The following GAREM2 variants were observed in gnomAD, a reference collection of about 807,000 sequenced individuals.
GAREM2 encodes GRB2 associated regulator of MAPK1 subtype 2, also known as GRB2-associated and regulator of MAPK protein 2.
A neutral mutation model predicts 55.6 loss-of-function variants in GAREM2; 30 were observed. The observed-to-expected ratio is 0.54, with a 90% CI of 0.40 to 0.73. The LOEUF (loss-of-function observed/expected upper bound fraction) is 0.73. Among genes scored for constraint, GAREM2 ranks in the 30% least tolerant of loss-of-function variants. The probability of loss-of-function intolerance (pLI) is 0.00; values close to 1 mark genes in which losing one functional copy is unlikely to be tolerated. For missense variants in GAREM2, 1,075 were observed against 1,257.7 expected (o/e 0.85, Z 2.20); for synonymous variants, 550 against 569.1 (o/e 0.97, Z 0.48).
At position 26,179,620 on chromosome 2, in the gene GAREM2, G is replaced by A. The variant is rs1379057914; in HGVS notation, c.253+3136G>A. Among the ~76,000 whole-genome samples the A allele has an allele frequency of 6.6e-6, 1 of 151,978 alleles. No homozygotes were observed. Among genetic ancestry groups the A allele is most frequent in the Non-Finnish European group, 1.5e-5 (1 of 67,988 alleles). ...CAGGATGGAGCAGGTCCTTAGAGCC[G>A]TGGGGGACCTCAGGTTCCATACAGG... On this transcript the variant is annotated intron_variant, in intron 2 of 5. Coordinates refer to ENST00000401533, the MANE Select transcript of GAREM2 (RefSeq NM_001168241.2). The surrounding 1 kb of genome is among the most constrained non-coding windows in gnomAD (Gnocchi z 4.7).
downstream of GAREM2, among the ~76,000 whole-genome samples, chr2:26,192,065 C>T (rs1246156760): frequency 4.6e-5 from 7 of 152,224 alleles, no homozygotes; most frequent in Admixed American, 3.3e-4. Context: ...CCAAGGAGCA[C>T]GTGCGAGGGC....
intron 1 of GAREM2, among the ~76,000 whole-genome samples, chr2:26,173,734 C>T (rs952866776): frequency 3.5e-4 from 53 of 152,208 alleles, no homozygotes; most frequent in Non-Finnish European, 6.2e-4. Flanking sequence ...CCCTGGGACC[C>T]GGACTCTGTC....
Position 26,185,030 on chromosome 2 carries a change from C to A in GAREM2, c.1182C>A (p.Pro394=), listed in dbSNP as rs1247123417. 7.0e-6 allele frequency: 8 copies of A among 1,149,886 alleles called. No individual in the cohort carries two copies. Among genetic ancestry groups the A allele is most frequent in the Non-Finnish European group, 8.6e-6 (8 of 935,578 alleles). 71.2% of individuals were successfully genotyped at this position (1,149,886 alleles called of 1,614,324 possible). Reference sequence around the variant, plus strand: ...GCGCCCCCGGGCTCGCCCGCGCCCCCGGCCCGCTAGCGCCGGCTCCCGCCG... The same window carrying A: ...GCGCCCCCGGGCTCGCCCGCGCCCCAGGCCCGCTAGCGCCGGCTCCCGCCG... The part of the protein sequence containing the change: ...APRAPGLARA[P]GPLAPAPAGE... Residue 394 remains proline, a synonymous_variant, in exon 4 of 6, where the codon CCC becomes CCA. Coordinates refer to ENST00000401533, the MANE Select transcript of GAREM2 (RefSeq NM_001168241.2).
rs1669329233 is a variant in GAREM2, at chr2:26,187,692, C to T, written c.2060C>T (p.Ser687Phe). ...AAPPSSCAPS[S>F]SSSSEWQEPV... Reference sequence around the variant, plus strand: ...CCCCCCTCCTCCTGCGCCCCCTCCTCCTCCTCTTCTTCTGAATGGCAGGAA... The same window carrying T: ...CCCCCCTCCTCCTGCGCCCCCTCCTTCTCCTCTTCTTCTGAATGGCAGGAA... Residue 687 changes from serine (S) to phenylalanine (F), a missense_variant, in exon 6 of 6, where the codon TCC becomes TTC. Ser to Phe is a radical substitution (Grantham distance 155, BLOSUM62 -2). Transcript: ENST00000401533. 6.7e-7 allele frequency: 1 copy of T among 1,496,670 alleles called. No homozygotes were observed. The allele number at this position is 1,496,670 out of a possible 1,614,324, so 92.7% of individuals were successfully genotyped here.
chr2:26,173,111 A>T lies in GAREM2; in HGVS notation c.-110A>T, dbSNP rs865877953. 954 of 171,092 alleles carry T rather than the reference A, an allele frequency of 5.6e-3. 13 individuals carry two copies. The highest frequency in any genetic ancestry group is 0.023 in the African/African-American group (906 of 39,020). The allele number at this position is 171,092 out of a possible 1,614,324, so 10.6% of individuals were successfully genotyped here. On this transcript the variant is annotated 5_prime_UTR_variant, in exon 1 of 6. Coordinates refer to ENST00000401533, the MANE Select transcript of GAREM2 (RefSeq NM_001168241.2). ...ACGCCCGCGGCCCGGCGGGGCTGCC[A>T]GGCGGCGAGCGCCGCGGCGGCCCCG...
Position 26,184,236 on chromosome 2 carries a change from G to T in GAREM2, c.388G>T (p.Val130Leu). ...MEAITFSVKV[V>L]SGEFSEDSEV... ...GCCCTGTCTCTGGGATCCCCAGGTG[G>T]TGTCGGGCGAGTTCAGCGAGGACAG... Residue 130 changes from valine to leucine, a missense_variant, in exon 4 of 6, where the codon GTG (valine) becomes TTG (leucine). By Grantham distance (32) the Val-to-Leu change is conservative. Transcript: ENST00000401533. The T allele has an allele frequency of 6.5e-7, 1 of 1,549,922 alleles. No individual in the cohort carries two copies. The highest frequency in any genetic ancestry group is 2.4e-5 in the East Asian group (1 of 40,854).
chr2:26,184,769 C>G lies in GAREM2; in HGVS notation c.921C>G (p.Arg307=). Residue 307 remains arginine (R), a synonymous_variant, in exon 4 of 6, where the codon CGC becomes CGG. Coordinates refer to ENST00000401533, the MANE Select transcript of GAREM2 (RefSeq NM_001168241.2). The part of the protein sequence containing the change: ...KTVVLGLALR[R]EGPAPLHFLL... Reference sequence around the variant, plus strand: ...TGGTGCTGGGGCTGGCGCTGCGCCGCGAGGGCCCGGCGCCGCTGCACTTCC... The same window carrying G: ...TGGTGCTGGGGCTGGCGCTGCGCCGGGAGGGCCCGGCGCCGCTGCACTTCC... 4 of 1,495,424 alleles carry G rather than the reference C, an allele frequency of 2.7e-6. No homozygotes were observed. Among genetic ancestry groups the G allele is most frequent in the Non-Finnish European group, 3.5e-6 (4 of 1,128,294 alleles). The allele number at this position is 1,495,424 out of a possible 1,614,324, so 92.6% of individuals were successfully genotyped here.
intron 2 of GAREM2, among the ~76,000 whole-genome samples, chr2:26,177,973 C>T (rs1015562186): frequency 1.1e-4 from 16 of 152,196 alleles, no homozygotes; most frequent in African/African-American, 3.9e-4. Flanking sequence ...CTGACAACCC[C>T]CTCACCAAGG....
Position 26,184,966 on chromosome 2 carries a change from C to A in GAREM2, c.1118C>A (p.Ala373Asp). ...CCAGCGGAGCTCGCCGAAGACTGCGCCAGCCCGCGCCGCGCGCGCCTCTGC... is the reference window on the plus strand; with the variant it reads ...CCAGCGGAGCTCGCCGAAGACTGCGACAGCCCGCGCCGCGCGCGCCTCTGC... ...EAPAELAEDC[A>D]SPRRARLCLP... Residue 373 changes from alanine (A) to aspartate (D), a missense_variant, in exon 4 of 6, where the codon GCC (alanine) becomes GAC (aspartate). By Grantham distance (126) the Ala-to-Asp change is moderately radical. Around this residue, in one of 6 missense-constraint regions of GAREM2, gnomAD observed 515 missense variants for 501.5 expected, o/e 1.03. Transcript: ENST00000401533. 1 of 1,207,740 alleles carries A rather than the reference C, an allele frequency of 8.3e-7. No homozygotes were observed. The highest frequency in any genetic ancestry group is 1.0e-6 in the Non-Finnish European group (1 of 973,360). The allele number at this position is 1,207,740 out of a possible 1,614,324, so 74.8% of individuals were successfully genotyped here. A position where few individuals can be genotyped will look rare whatever the true frequency, so the allele number is the denominator to read the frequency against.
downstream of GAREM2, chr2:26,191,459 T>G (rs368736585): frequency 1.9e-6 from 3 of 1,614,130 alleles, no homozygotes; most frequent in South Asian, 3.3e-5. Context: ...AAAGTGAGCT[T>G]CCTTCCCAAC....
chr2:26,174,466 G>C (rs548574142), intron 1 of GAREM2, among the ~76,000 whole-genome samples: 5 of 152,214 alleles, frequency 3.3e-5, no homozygotes, highest in African/African-American at 1.2e-4. Context: ...CTCGGTCTGC[G>C]TAGGGCCTCC....
In GAREM2 at chr2:26,187,840, A is replaced by G. The variant is rs1160864716; in HGVS notation, c.2208A>G (p.Pro736=). The G allele has an allele frequency of 1.5e-5, 21 of 1,438,288 alleles. No homozygotes were observed. The South Asian group carries it at 2.9e-4, about 20-fold the overall frequency. The allele number at this position is 1,438,288 out of a possible 1,614,324, so 89.1% of individuals were successfully genotyped here. A position where few individuals can be genotyped will look rare whatever the true frequency, so the allele number is the denominator to read the frequency against. Residue 736 remains proline, a synonymous_variant, in exon 6 of 6, where the codon CCA becomes CCG. Coordinates refer to ENST00000401533, the MANE Select transcript of GAREM2 (RefSeq NM_001168241.2). ...CTGGGCCTGGACCCCGCCTTTCACC[A>G]CTTGGCCCCTCCAAGGCCTTTGAGC... is the stretch of plus-strand genomic sequence containing the variant. The part of the protein sequence containing the change: ...GTPGPGPRLS[P]LGPSKAFEPE...
chr2:26,203,339 T>C, the GAREM2 span, among the ~76,000 whole-genome samples: 4 of 152,278 alleles, frequency 2.6e-5, no homozygotes, highest in Admixed American at 6.5e-5. Context: ...AGCTTGTCCA[T>C]TAAATGTGAG....
Position 26,187,383 on chromosome 2 carries a change from C to T in GAREM2, c.1751C>T (p.Ser584Phe), listed in dbSNP as rs1031576757. The change falls in exon 6 of 6, where the codon TCC (serine) becomes TTC (phenylalanine). Residue 584 changes from serine to phenylalanine, a missense_variant. Ser to Phe is a radical substitution (Grantham distance 155, BLOSUM62 -2). This residue lies in a region of GAREM2 where 515 missense variants were observed against 501.5 expected (regional missense o/e 1.03). Transcript: ENST00000401533. ...TCAACCACACAGCCCAGCCAGGCCTCCCGGGCCCTCACAGAGCCTCTGAGC... is the reference window on the plus strand; with the variant it reads ...TCAACCACACAGCCCAGCCAGGCCTTCCGGGCCCTCACAGAGCCTCTGAGC... ...LPSTTQPSQA[S>F]RALTEPLSGR... is the part of the protein sequence containing the mutation. 1 of 1,547,518 alleles carries T rather than the reference C, an allele frequency of 6.5e-7. No individual in the cohort carries two copies.
chr2:26,178,932 C>G lies in GAREM2; in HGVS notation c.253+2448C>G, dbSNP rs901924933. ...CAGAGGCCCCTAGGAGGGCGAAGGC[C>G]GGCGGGTTAACGAGGAGGCGCTGAG... On this transcript the variant is annotated intron_variant, in intron 2 of 5. Coordinates refer to ENST00000401533, the MANE Select transcript of GAREM2 (RefSeq NM_001168241.2). Among the ~76,000 whole-genome samples the G allele has an allele frequency of 8.8e-4, 47 of 53,470 alleles. 1 individual carries two copies. Among genetic ancestry groups the G allele is most frequent in the Non-Finnish European group, 2.3e-4 (6 of 26,664 alleles). The allele number at this position is 53,470 out of a possible 152,430, so 35.1% of individuals were successfully genotyped here.
At chr2:26,201,025 C>A in the GAREM2 span, 13 of 787,062 alleles carry the variant, frequency 1.7e-5, no homozygotes, top group South Asian at 1.6e-4. Flanking sequence ...AGCCACCATG[C>A]CCAGCCTTTG....
Position 26,185,274 on chromosome 2 carries a change from G to A in GAREM2, c.1426G>A (p.Ala476Thr). Residue 476 changes from alanine (A) to threonine (T), a missense_variant and splice_region_variant, in exon 4 of 6, where the codon GCG (alanine) becomes ACG (threonine). Physicochemically the swap from Ala to Thr is moderately conservative, Grantham distance 58. Coordinates refer to ENST00000401533, the MANE Select transcript of GAREM2 (RefSeq NM_001168241.2). ...GCCTCCAGTCCCTCCCAAATCCGAG[G>A]CGGTGAGTGAGCGCGCTGGGGGCCG... ...PPPPVPPKSE[A>T]VKEECRLLNA... The A allele has an allele frequency of 1.3e-6, 2 of 1,514,022 alleles. No individual in the cohort carries two copies. Among genetic ancestry groups the A allele is most frequent in the Non-Finnish European group, 1.8e-6 (2 of 1,137,910 alleles). The allele number at this position is 1,514,022 out of a possible 1,614,324, so 93.8% of individuals were successfully genotyped here. A position where few individuals can be genotyped will look rare whatever the true frequency, so the allele number is the denominator to read the frequency against.
In GAREM2 at chr2:26,173,278, C is replaced by T; in HGVS notation, c.58C>T (p.Leu20Phe). 2.1e-6 allele frequency: 3 copies of T among 1,434,984 alleles called. No homozygotes were observed. The highest frequency in any genetic ancestry group is 1.8e-6 in the Non-Finnish European group (2 of 1,091,484). 88.9% of individuals were successfully genotyped at this position (1,434,984 alleles called of 1,614,324 possible). The change falls in exon 1 of 6, where the codon CTC becomes TTC. Residue 20 changes from leucine (L) to phenylalanine (F), a missense_variant. Leu to Phe is a conservative substitution (Grantham distance 22). Coordinates refer to ENST00000401533, the MANE Select transcript of GAREM2 (RefSeq NM_001168241.2). ...GCGCTGGAGCATGGGCGCCTTCCCG[C>T]TCGACCTCATCGTCAGCCGCTGCCG... The part of the protein sequence containing the change: ...GLRWSMGAFP[L>F]DLIVSRCRLP...
chr2:26,176,601 G>A lies in GAREM2; in HGVS notation c.253+117G>A, dbSNP rs142877591. ...CGAGGCGGTGATTAGGGTTAGGGTTGGAGTCAGAGCCCAGCAGTTTTCATT... is the reference window on the plus strand; with the variant it reads ...CGAGGCGGTGATTAGGGTTAGGGTTAGAGTCAGAGCCCAGCAGTTTTCATT... On this transcript the variant is annotated intron_variant, in intron 2 of 5. Coordinates refer to ENST00000401533, the MANE Select transcript of GAREM2 (RefSeq NM_001168241.2). 94 of 1,001,854 alleles carry A rather than the reference G, an allele frequency of 9.4e-5. No homozygotes were observed. In the East Asian group the frequency reaches 2.1e-3, roughly 22 times the overall value. The allele number at this position is 1,001,854 out of a possible 1,614,324, so 62.1% of individuals were successfully genotyped here.
Sources: gnomAD v4.1 joint callset for allele counts (sites outside exome capture counted in the v4.1 genomes callset) on GRCh38, gnomAD v4.1.1 for gene constraint, gnomAD v4.1.1 regional missense constraint, Gnocchi (gnomAD v3.1) non-coding constraint, MANE v1.5 for transcripts, NCBI Gene and HGNC (gene_info 2026-07-23, HGNC 2026-07-21) for gene names.